ARMH4: variants seen among roughly 807,000 people sequenced by gnomAD.
The protein encoded by ARMH4 is armadillo like helical domain containing 4, also known as armadillo-like helical domain-containing protein 4.
ARMH4 carries 49 observed loss-of-function variants against 61.9 expected under a neutral mutation model. The ratio of observed to expected loss-of-function variants is 0.79; its 90% confidence interval spans 0.63 to 1.00. The LOEUF (loss-of-function observed/expected upper bound fraction) is 1.00, where lower values mean the gene tolerates loss of function less well. Ranked by LOEUF, ARMH4 falls within the 50% of genes least tolerant of loss-of-function variation. The pLI, the probability that ARMH4 is intolerant of heterozygous loss-of-function variation, is 0.00. For synonymous variants in ARMH4, 368 were observed against 341.5 expected, an observed-to-expected ratio of 1.08 and a Z score of -0.85; for missense variants, 934 against 930.0, an observed-to-expected ratio of 1.00 and a Z score of -0.06.
At chr14:58,069,911 G>A (rs1326242485) in intron 5 of ARMH4, among the ~76,000 whole-genome samples, 2 of 152,160 alleles carry the variant, frequency 1.3e-5, no homozygotes, top group Admixed American at 1.3e-4. Flanking sequence ...GTTTTAGAAA[G>A]ATATCTCTGA....
At chr14:58,030,718 G>A (rs1883198062) in intron 5 of ARMH4, among the ~76,000 whole-genome samples, 1 of 152,146 alleles carries the variant, frequency 6.6e-6, no homozygotes, top group South Asian at 2.1e-4. Flanking sequence ...TATAGTATTT[G>A]TCTTTTGGGG....
chr14:58,105,689 G>GAA (rs1373693311), intron 4 of ARMH4, among the ~76,000 whole-genome samples: 7 of 91,232 alleles, frequency 7.7e-5, no homozygotes, highest in Non-Finnish European at 1.2e-4. Context: ...TCCATCTCAA[G>GAA]AAAAAAAAAA....
chr14:58,041,562 T>A (rs904765222), intron 5 of ARMH4, among the ~76,000 whole-genome samples: 1 of 152,098 alleles, frequency 6.6e-6, no homozygotes, highest in Non-Finnish European at 1.5e-5. Context: ...CCAGCTAACA[T>A]CATAATGACA....
intron 1 of ARMH4, among the ~76,000 whole-genome samples, chr14:58,140,154 A>G (rs576587867): frequency 6.6e-6 from 1 of 151,764 alleles, no homozygotes; most frequent in South Asian, 2.1e-4. Flanking sequence ...AGGCACCTGT[A>G]ATCTCAGCTA....
intron 5 of ARMH4, among the ~76,000 whole-genome samples, chr14:58,056,804 A>T (rs929666566): frequency 1.3e-5 from 2 of 152,048 alleles, no homozygotes; most frequent in Admixed American, 6.6e-5. Context: ...TAACAACAAA[A>T]CCCTAATCTG....
intron 5 of ARMH4, among the ~76,000 whole-genome samples, chr14:58,084,795 A>C (rs979329764): frequency 6.6e-6 from 1 of 152,216 alleles, no homozygotes; most frequent in Non-Finnish European, 1.5e-5. Flanking sequence ...ACATGAATTG[A>C]ACTGGGACCT....
intron 5 of ARMH4, among the ~76,000 whole-genome samples, chr14:58,032,980 C>T (rs1372668102): frequency 2.8e-5 from 4 of 144,192 alleles, no homozygotes; most frequent in Admixed American, 1.4e-4. Context: ...GGGGGAGGGG[C>T]GCCCGCCATT....
chr14:58,139,470 C>A, intron 1 of ARMH4, 56 bp from the exon 2 acceptor site: 2 of 976,086 alleles, frequency 2.0e-6, no homozygotes, highest in Admixed American at 2.4e-5. Flanking sequence ...GTAAATAAGT[C>A]TCTTTAAATT....
intron 5 of ARMH4, among the ~76,000 whole-genome samples, chr14:58,086,832 C>G (rs1885400173): frequency 6.6e-6 from 1 of 152,076 alleles, no homozygotes; most frequent in African/African-American, 2.4e-5. Context: ...AGTTAGGGTT[C>G]CCAGGAAAGG....
chr14:58,034,273 T>G (rs1883384906), intron 5 of ARMH4, among the ~76,000 whole-genome samples: 1 of 130,118 alleles, frequency 7.7e-6, no homozygotes, highest in South Asian at 2.5e-4. Context: ...AAAAGAATTT[T>G]CAACCCAGAA....
chr14:58,017,836 CA>C (rs557896616), intron 5 of ARMH4, among the ~76,000 whole-genome samples: 4 of 149,788 alleles, frequency 2.7e-5, no homozygotes, highest in African/African-American at 9.8e-5. Context: ...GCAACAACAA[CA>C]AAAAAAAACA....
chr14:58,141,569 G>A (rs1245587748), intron 1 of ARMH4: 3 of 503,748 alleles, frequency 6.0e-6, no homozygotes, highest in African/African-American at 1.9e-5. Flanking sequence ...ATGATCTGCT[G>A]CAAGTGCTAT....
At chr14:58,111,259 A>G (rs1266630171) in intron 4 of ARMH4, among the ~76,000 whole-genome samples, 1 of 152,222 alleles carries the variant, frequency 6.6e-6, no homozygotes, top group Non-Finnish European at 1.5e-5. Context: ...AAGCTGTTTT[A>G]GTATTCAAAA....
At position 58,132,980 on chromosome 14, in the gene ARMH4, C is replaced by T. The variant is rs1594776469; in HGVS notation, c.1621+110G>A. ...AGGTGTGTGTGTGTGTGTACGTGCA[C>T]GCACGCGCGCGCTGATGGCAATGTC... On this transcript the variant is annotated intron_variant, in intron 3 of 7. Coordinates refer to ENST00000267485, the MANE Select transcript of ARMH4 (RefSeq NM_001001872.4). The T allele has an allele frequency of 1.5e-5, 17 of 1,145,774 alleles. No homozygotes were observed. The East Asian group carries it at 1.9e-4, about 13-fold the overall frequency. The allele number at this position is 1,145,774 out of a possible 1,614,324, so 71.0% of individuals were successfully genotyped here.
chr14:58,012,185 C>A (rs775250185), intron 5 of ARMH4, 35 bp from the exon 6 acceptor site: 19 of 1,242,236 alleles, frequency 1.5e-5, no homozygotes, highest in Non-Finnish European at 1.8e-5. Context: ...ATGAAATAAC[C>A]ATCTTTTACT....
At position 58,036,242 on chromosome 14, in the gene ARMH4, C is replaced by G. The variant is rs1413216408; in HGVS notation, c.2090-24092G>C. Among the ~76,000 whole-genome samples, 34 of 77,142 alleles carry G rather than the reference C, an allele frequency of 4.4e-4. 3 individuals carry two copies. In the South Asian group the frequency reaches 0.017, roughly 39 times the overall value. The allele number at this position is 77,142 out of a possible 152,430, so 50.6% of individuals were successfully genotyped here. ...TCATCCCTGGGATGCAAGGCTGGTT[C>G]AATATACGCAAATCAATAAATGTAA... On this transcript the variant is annotated intron_variant, in intron 5 of 7. Coordinates refer to ENST00000267485, the MANE Select transcript of ARMH4 (RefSeq NM_001001872.4).
At chr14:58,031,633 C>A (rs1015487869) in intron 5 of ARMH4, among the ~76,000 whole-genome samples, 1 of 152,156 alleles carries the variant, frequency 6.6e-6, no homozygotes, top group Admixed American at 6.5e-5. Context: ...TCGGCGAGAA[C>A]TGCAGCTACT....
At chr14:58,151,145 A>AT (rs1214588870) in intron 1 of ARMH4, among the ~76,000 whole-genome samples, 3 of 152,192 alleles carry the variant, frequency 2.0e-5, no homozygotes, top group Non-Finnish European at 4.4e-5. Context: ...TAAAGCAGCC[A>AT]TCTCTCCTCT....
intron 5 of ARMH4, among the ~76,000 whole-genome samples, chr14:58,068,936 G>C (rs1884791532): frequency 6.6e-6 from 1 of 150,848 alleles, no homozygotes; most frequent in Admixed American, 6.6e-5. Context: ...GAACCCAGGA[G>C]ACGGAGGTTG....
Sources: allele counts gnomAD v4.1 joint callset (sites outside exome capture counted in the v4.1 genomes callset), GRCh38; gene constraint gnomAD v4.1.1; transcripts MANE v1.5; gene names NCBI Gene and HGNC (gene_info 2026-07-23, HGNC 2026-07-21).